Variants in CCNB2 observed in about 807,000 individuals in gnomAD.
CCNB2 encodes cyclin B2.
CCNB2 carries 39 observed loss-of-function variants against 51.1 expected under a neutral mutation model. That is an observed-to-expected ratio of 0.76 (90% CI 0.59 to 1.00). The LOEUF (loss-of-function observed/expected upper bound fraction) is 1.00. Among genes scored for constraint, CCNB2 ranks in the 50% least tolerant of loss-of-function variants. CCNB2 has a pLI of 0.00. For synonymous variants in CCNB2, 174 were observed against 165.5 expected (o/e 1.05, Z -0.40); for missense variants, 472 against 470.3 (o/e 1.00, Z -0.03).
chr15:59,107,192 C>A, intron 1 of CCNB2, 130 bp from the exon 2 acceptor site: 1 of 803,858 alleles, frequency 1.2e-6, no homozygotes, highest in Non-Finnish European at 1.9e-6. Flanking sequence ...CTGAAATGTA[C>A]CTTTTCCATC....
chr15:59,123,944 T>C, intron 8 of CCNB2: 1 of 224,404 alleles, frequency 4.5e-6, no homozygotes, highest in Non-Finnish European at 9.0e-6. Flanking sequence ...GAGGGCACTT[T>C]GCAAGCAGGG....
At chr15:59,109,582 G>T (rs2079249894) in intron 3 of CCNB2, among the ~76,000 whole-genome samples, 1 of 152,158 alleles carries the variant, frequency 6.6e-6, no homozygotes, top group African/African-American at 2.4e-5. Flanking sequence ...TATATAAACA[G>T]TGCAACCCCA....
chr15:59,111,983 TTGGGACAACAAG>T (rs2079259482), intron 3 of CCNB2, among the ~76,000 whole-genome samples: 1 of 151,602 alleles, frequency 6.6e-6, no homozygotes, highest in Non-Finnish European at 1.5e-5. Flanking sequence ...CTCCAAGTAG[TTGGGACAACAAG>T]TGTGCGCCAC....
At chr15:59,111,633 G>C (rs1054415480) in intron 3 of CCNB2, among the ~76,000 whole-genome samples, 1 of 152,158 alleles carries the variant, frequency 6.6e-6, no homozygotes, top group South Asian at 2.1e-4. Context: ...CTGTTGTTCA[G>C]CTTTTCAGCT....
chr15:59,114,502 T>C lies in CCNB2; in HGVS notation c.326T>C (p.Phe109Ser), dbSNP rs1289843160. Residue 109 changes from phenylalanine (F) to serine (S), a missense_variant, in exon 4 of 9, where the codon TTT becomes TCT. Coordinates refer to ENST00000288207, the MANE Select transcript of CCNB2 (RefSeq NM_004701.4). Reference protein sequence around the residue: ...SMKEENLCQAFSDALLCKIED... With the variant: ...SMKEENLCQASSDALLCKIED... ...AAGGAAGAGAATCTCTGCCAAGCTT[T>C]TTCTGATGCCTTGCTCTGCAAAATC... The C allele has an allele frequency of 6.2e-7, 1 of 1,613,920 alleles. No homozygotes were observed. Among genetic ancestry groups the C allele is most frequent in the South Asian group, 1.1e-5 (1 of 91,048 alleles).
Position 59,124,953 on chromosome 15 carries a change from T to C in CCNB2, c.*76T>C, listed in dbSNP as rs1208972633. The C allele has an allele frequency of 1.2e-4, 97 of 824,938 alleles. No individual in the cohort carries two copies. Among genetic ancestry groups the C allele is most frequent in the East Asian group, 5.6e-5 (2 of 35,530 alleles). The allele number at this position is 824,938 out of a possible 1,614,324, so 51.1% of individuals were successfully genotyped here. On this transcript the variant is annotated 3_prime_UTR_variant, in exon 9 of 9. Coordinates refer to ENST00000288207, the MANE Select transcript of CCNB2 (RefSeq NM_004701.4). ...GGTTTAGAACTCTTGATTTTGTACA[T>C]AGTCCTCTGGTCTATCTCATGAAAC...
intron 3 of CCNB2, among the ~76,000 whole-genome samples, chr15:59,111,596 A>C (rs1301807954): frequency 6.6e-6 from 1 of 152,174 alleles, no homozygotes; most frequent in Non-Finnish European, 1.5e-5. Context: ...TAACGTTTGG[A>C]TAAAATCTAA....
intron 1 of CCNB2, among the ~76,000 whole-genome samples, chr15:59,106,539 C>G (rs1332709636): frequency 6.6e-6 from 1 of 152,076 alleles, no homozygotes; most frequent in Non-Finnish European, 1.5e-5. Flanking sequence ...ATGTTTATCA[C>G]TTCTATAATA....
intron 3 of CCNB2, among the ~76,000 whole-genome samples, chr15:59,112,160 C>G (rs1277776397): frequency 6.6e-6 from 1 of 151,686 alleles, no homozygotes; most frequent in African/African-American, 2.4e-5. Flanking sequence ...CCTGGGTTCT[C>G]AAATTCTTGT....
intron 5 of CCNB2, chr15:59,116,031 C>T (rs2079277428): frequency 1.3e-5 from 2 of 151,870 alleles, no homozygotes; most frequent in African/African-American, 2.4e-5. Flanking sequence ...TGTGCCCATC[C>T]GTGGTAGATT....
chr15:59,118,456 A>G (rs755786), intron 7 of CCNB2, among the ~76,000 whole-genome samples: 56,772 of 152,060 alleles, frequency 0.37, 11,369 homozygotes, highest in African/African-American at 0.52. Context: ...GCCAAGGTGG[A>G]CAGATCACCT....
chr15:59,114,024 G>A (rs2079268294), intron 3 of CCNB2, among the ~76,000 whole-genome samples: 2 of 152,182 alleles, frequency 1.3e-5, no homozygotes, highest in Non-Finnish European at 2.9e-5. Flanking sequence ...ATAGGAGTTA[G>A]GATAGACCCC....
At chr15:59,114,374 TAAGC>T in intron 3 of CCNB2, 66 bp from the exon 4 acceptor site, 1 of 1,193,054 alleles carries the variant, frequency 8.4e-7, no homozygotes, top group Non-Finnish European at 1.2e-6. Flanking sequence ...TATTGATATT[TAAGC>T]CAGTTGGCTC....
chr15:59,123,921 C>G (rs1431854634), intron 8 of CCNB2: 1 of 273,296 alleles, frequency 3.7e-6, no homozygotes, highest in Non-Finnish European at 7.2e-6. Context: ...TGTGCTTATA[C>G]TAGCATCCTG....
rs2079319325 is a variant in CCNB2 at position 59,124,984 on chromosome 15, C to G, written c.*107C>G. On this transcript the variant is annotated 3_prime_UTR_variant, in exon 9 of 9. Coordinates refer to ENST00000288207, the MANE Select transcript of CCNB2 (RefSeq NM_004701.4). ...TCTGGTCTATCTCATGAAACCTCTT[C>G]TCAGACCAGTTTTCTAAACATATAT... 2 of 582,312 alleles carry G rather than the reference C, an allele frequency of 3.4e-6. No homozygotes were observed. Among genetic ancestry groups the G allele is most frequent in the Non-Finnish European group, 2.9e-6 (1 of 344,250 alleles). 36.1% of individuals were successfully genotyped at this position (582,312 alleles called of 1,614,324 possible). A position where few individuals can be genotyped will look rare whatever the true frequency, so the allele number is the denominator to read the frequency against.
intron 7 of CCNB2, 105 bp downstream of exon 7, chr15:59,117,473 T>G: frequency 8.1e-7 from 1 of 1,234,786 alleles, no homozygotes; most frequent in Non-Finnish European, 1.1e-6. Context: ...CAGTTGGTTT[T>G]GTTTTGTGTT....
chr15:59,123,696 G>T lies in CCNB2; in HGVS notation c.1086+69G>T, dbSNP rs367645517. 67 of 764,320 alleles carry T rather than the reference G, an allele frequency of 8.8e-5. 1 individual carries two copies. Among genetic ancestry groups the T allele is most frequent in the Non-Finnish European group, 1.1e-4 (49 of 442,144 alleles). The allele number at this position is 764,320 out of a possible 1,614,324, so 47.3% of individuals were successfully genotyped here. Reference sequence around the variant, plus strand: ...TGGGTTTTGTGTGTATGTTGGGCGGGGGGGGGCGGTGTGTGCCGTCATGTA... The same window carrying T: ...TGGGTTTTGTGTGTATGTTGGGCGGTGGGGGGCGGTGTGTGCCGTCATGTA... On this transcript the variant is annotated intron_variant, in intron 8 of 8. Coordinates refer to ENST00000288207, the MANE Select transcript of CCNB2 (RefSeq NM_004701.4).
chr15:59,117,622 C>T (rs2079284592), intron 7 of CCNB2, among the ~76,000 whole-genome samples: 1 of 152,146 alleles, frequency 6.6e-6, no homozygotes, highest in South Asian at 2.1e-4. Context: ...GCATGCATGA[C>T]CATGCCTCGC....
intron 8 of CCNB2, chr15:59,124,494 C>G (rs1416779870): frequency 6.9e-6 from 3 of 434,412 alleles, no homozygotes; most frequent in Non-Finnish European, 1.2e-5. Context: ...TCCCATCCCT[C>G]TGGTAGCCTA....
Sources: allele counts gnomAD v4.1 joint callset (sites outside exome capture counted in the v4.1 genomes callset), GRCh38; gene constraint gnomAD v4.1.1; transcripts MANE v1.5; gene names NCBI Gene and HGNC (gene_info 2026-07-23, HGNC 2026-07-21).